XRN2: variants seen among roughly 807,000 people sequenced by gnomAD.
XRN2 encodes DHM1-like protein.
In XRN2, 44 loss-of-function variants were observed where a neutral mutation model predicts 138.5. The ratio of observed to expected loss-of-function variants is 0.32; its 90% confidence interval spans 0.25 to 0.41. XRN2 has a LOEUF of 0.41. Among genes scored for constraint, XRN2 ranks in the 10% least tolerant of loss-of-function variants. XRN2 has a pLI of 1.00. For synonymous variants in XRN2, 354 were observed against 369.4 expected (o/e 0.96, Z 0.48); for missense variants, 937 against 1,169.3 (o/e 0.80, Z 2.90).
At chr20:21,310,164 T>G (rs1267970227) in intron 1 of XRN2, among the ~76,000 whole-genome samples, 1 of 152,216 alleles carries the variant, frequency 6.6e-6, no homozygotes, top group Non-Finnish European at 1.5e-5. Flanking sequence ...TTCATCCACT[T>G]AAAAATATGT....
At chr20:21,312,602 ATTT>A (rs375836250) in intron 1 of XRN2, among the ~76,000 whole-genome samples, 36 of 137,306 alleles carry the variant, frequency 2.6e-4, no homozygotes, top group African/African-American at 9.5e-4. Flanking sequence ...AAACCCCAAG[ATTT>A]TTTTTTTTTT....
intron 1 of XRN2, among the ~76,000 whole-genome samples, chr20:21,321,522 G>A (rs1354656951): frequency 6.6e-6 from 1 of 151,888 alleles, no homozygotes; most frequent in African/African-American, 2.4e-5. Flanking sequence ...GGACTCTTAT[G>A]TTCCCCAGGC....
intron 24 of XRN2, among the ~76,000 whole-genome samples, chr20:21,363,688 CTAGT>C (rs1351417881): frequency 1.3e-5 from 2 of 152,146 alleles, no homozygotes; most frequent in Non-Finnish European, 2.9e-5. Context: ...CAGATAGACT[CTAGT>C]TAAAGTGGCA....
intron 1 of XRN2, among the ~76,000 whole-genome samples, chr20:21,315,735 T>C (rs1367629874): frequency 6.6e-6 from 1 of 152,178 alleles, no homozygotes; most frequent in Non-Finnish European, 1.5e-5. Flanking sequence ...TGAGCTCAGA[T>C]GATCCACCTC....
rs1600713082 is a variant in XRN2, at chr20:21,368,548, C to T, written c.2542C>T (p.Pro848Ser). 1 of 1,614,040 alleles carries T rather than the reference C, an allele frequency of 6.2e-7. No individual in the cohort carries two copies. The highest frequency in any genetic ancestry group is 8.5e-7 in the Non-Finnish European group (1 of 1,179,948). The stretch of plus-strand genomic sequence containing the variant: ...GACTTACCAGGGAAACTTATACAGG[C>T]CGCTTTTGAGAGGACAAGCCCAGAT... ...PVTYQGNLYR[P>S]LLRGQAQIPK... Residue 848 changes from proline to serine, a missense_variant, in exon 27 of 30, where the codon CCG becomes TCG. By Grantham distance (74) the Pro-to-Ser change is moderately conservative. Around this residue, in one of 6 missense-constraint regions of XRN2, gnomAD observed 372 missense variants for 414.4 expected, o/e 0.90. Coordinates refer to ENST00000377191, the MANE Select transcript of XRN2 (RefSeq NM_012255.5).
intron 4 of XRN2, among the ~76,000 whole-genome samples, chr20:21,330,087 A>T (rs1306791176): frequency 6.6e-6 from 1 of 152,192 alleles, no homozygotes; most frequent in Non-Finnish European, 1.5e-5. Flanking sequence ...GTTCAAGACC[A>T]GCCTGGCCAA....
rs560072057 is a variant in XRN2, at chr20:21,357,969, A to G, written c.2255+177A>G. Among the ~76,000 whole-genome samples the G allele has an allele frequency of 7.9e-5, 12 of 152,298 alleles. No homozygotes were observed. In the East Asian group the frequency reaches 1.7e-3, roughly 22 times the overall value. Reference sequence around the variant, plus strand: ...AGAGCCTCTTAACTCTAAATTATGTATATTGTTAAGGTTACTGATTTAACA... The same window carrying G: ...AGAGCCTCTTAACTCTAAATTATGTGTATTGTTAAGGTTACTGATTTAACA... On this transcript the variant is annotated intron_variant, in intron 24 of 29. Coordinates refer to ENST00000377191, the MANE Select transcript of XRN2 (RefSeq NM_012255.5).
At chr20:21,333,475 AT>A in intron 9 of XRN2, 68 bp from the exon 10 acceptor site, 1 of 1,528,070 alleles carries the variant, frequency 6.5e-7, no homozygotes, top group South Asian at 1.1e-5. Context: ...AAGCCTTAAA[AT>A]TTGCTTGGTT....
chr20:21,389,102 G>A (rs2038963423), intron 29 of XRN2, among the ~76,000 whole-genome samples, 171 bp from the exon 30 acceptor site: 2 of 152,216 alleles, frequency 1.3e-5, no homozygotes, highest in South Asian at 4.1e-4. Flanking sequence ...TTTGCAACAA[G>A]TCTGTATTAA....
chr20:21,313,974 C>T (rs1412457887), intron 1 of XRN2, among the ~76,000 whole-genome samples: 1 of 152,218 alleles, frequency 6.6e-6, no homozygotes, highest in Non-Finnish European at 1.5e-5. Flanking sequence ...GTGTACAACT[C>T]AGTGATTTTT....
intron 1 of XRN2, among the ~76,000 whole-genome samples, chr20:21,309,796 A>G (rs977283051): frequency 2.0e-5 from 3 of 150,560 alleles, no homozygotes; most frequent in Non-Finnish European, 4.4e-5. Context: ...TCCTTTTAAT[A>G]TTGTTAGAAT....
At chr20:21,356,328 T>C (rs1214645040) in intron 22 of XRN2, 151 bp downstream of exon 22, 2 of 652,242 alleles carry the variant, frequency 3.1e-6, no homozygotes, top group East Asian at 2.9e-5. Context: ...TAGCACTTTT[T>C]CAGAACTTTT....
chr20:21,350,796 T>G lies in XRN2; in HGVS notation c.1936+1335T>G, dbSNP rs182934997. 3.3e-5 allele frequency among the ~76,000 whole-genome samples: 5 copies of G among 152,240 alleles called. No homozygotes were observed. The East Asian group carries it at 9.6e-4, about 29-fold the overall frequency. ...TTTACAAATTGAAAAATCAGGAGGC[T>G]TTGGAGTTGACTTGATTTATTTAGT... On this transcript the variant is annotated intron_variant, in intron 20 of 29. Coordinates refer to ENST00000377191, the MANE Select transcript of XRN2 (RefSeq NM_012255.5).
intron 24 of XRN2, among the ~76,000 whole-genome samples, chr20:21,359,498 T>G (rs1471594324): frequency 6.6e-6 from 1 of 151,464 alleles, no homozygotes; most frequent in East Asian, 1.9e-4. Context: ...ATCACACCAC[T>G]TGGGCAACAG....
At chr20:21,348,816 TGTATTTTTA>T (rs2038470881) in intron 19 of XRN2, among the ~76,000 whole-genome samples, 1 of 152,084 alleles carries the variant, frequency 6.6e-6, no homozygotes, top group South Asian at 2.1e-4. Context: ...GCTAATTTTT[TGTATTTTTA>T]GTAGAGATGG....
chr20:21,343,723 G>T (rs559769311), intron 15 of XRN2, among the ~76,000 whole-genome samples: 1 of 151,546 alleles, frequency 6.6e-6, no homozygotes, highest in African/African-American at 2.4e-5. Flanking sequence ...TTCCTAACAG[G>T]AATTGTTACA....
chr20:21,331,467 T>C, intron 6 of XRN2, 94 bp from the exon 7 acceptor site: 1 of 1,023,666 alleles, frequency 9.8e-7, no homozygotes, highest in Non-Finnish European at 1.5e-6. Context: ...CCCGTAACAC[T>C]TATCTCAGTT....
intron 1 of XRN2, among the ~76,000 whole-genome samples, chr20:21,325,401 GACTAACTGTAAAAC>G (rs1359210057): frequency 6.6e-6 from 1 of 152,170 alleles, no homozygotes; most frequent in Non-Finnish European, 1.5e-5. Context: ...GGGGTAGATT[GACTAACTGTAAAAC>G]AGTGGAAGTG....
chr20:21,317,341 G>T (rs891594491), intron 1 of XRN2, among the ~76,000 whole-genome samples: 1 of 151,620 alleles, frequency 6.6e-6, no homozygotes, highest in East Asian at 1.9e-4. Context: ...TTTTTCGAAC[G>T]CTTTTTCTAT....
Sources: gnomAD v4.1 joint callset for allele counts (sites outside exome capture counted in the v4.1 genomes callset) on GRCh38, gnomAD v4.1.1 for gene constraint, gnomAD v4.1.1 regional missense constraint, MANE v1.5 for transcripts, NCBI Gene and HGNC (gene_info 2026-07-23, HGNC 2026-07-21) for gene names.